The following NT5M variants were observed in gnomAD, a reference collection of about 807,000 sequenced individuals.
The protein encoded by NT5M is 5',3'-nucleotidase, mitochondrial.
Under a neutral mutation model 22.2 loss-of-function variants are expected in NT5M, and 22 were observed. The ratio of observed to expected loss-of-function variants is 0.99; its 90% CI spans 0.71 to 1.41. The LOEUF is 1.41. Among genes scored for constraint, NT5M ranks in the 40% most tolerant of loss-of-function variants. NT5M has a pLI of 0.00. For missense variants in NT5M, 322 were observed against 314.8 expected (o/e 1.02, Z -0.17); for synonymous variants, 167 against 133.0 (o/e 1.26, Z -1.76).
At chr17:17,329,059 G>C (rs747639434) in intron 3 of NT5M, among the ~76,000 whole-genome samples, 3 of 152,070 alleles carry the variant, frequency 2.0e-5, no homozygotes, top group Non-Finnish European at 4.4e-5. Flanking sequence ...CTCACTGCAA[G>C]CTCCCCATCC....
intron 3 of NT5M, among the ~76,000 whole-genome samples, chr17:17,326,562 G>A (rs1040238511): frequency 1.3e-5 from 2 of 152,196 alleles, no homozygotes; most frequent in East Asian, 1.9e-4. Flanking sequence ...GGCAGAGCCC[G>A]CAGACCGTCT....
chr17:17,347,242 A>G lies in NT5M; in HGVS notation c.*295A>G, dbSNP rs1293859420. On this transcript the variant is annotated 3_prime_UTR_variant, in exon 5 of 5. Transcript: ENST00000389022. ...AGGGGCTCAGGACAGGGAGGAGTTG[A>G]GGCCACTGTTCAGGGGGCTGGTGGC... The G allele has an allele frequency of 2.4e-6, 1 of 419,956 alleles. No individual in the cohort carries two copies. The highest frequency in any genetic ancestry group is 4.3e-6 in the Non-Finnish European group (1 of 233,802). The allele number at this position is 419,956 out of a possible 1,614,324, so 26.0% of individuals were successfully genotyped here. A position where few individuals can be genotyped will look rare whatever the true frequency, so the allele number is the denominator to read the frequency against.
chr17:17,326,602 G>A (rs377104323), intron 3 of NT5M, among the ~76,000 whole-genome samples: 33 of 152,284 alleles, frequency 2.2e-4, no homozygotes, highest in East Asian at 7.7e-4. Context: ...ACGCTGAAGC[G>A]CCCTTTCTCC....
intron 2 of NT5M, among the ~76,000 whole-genome samples, chr17:17,313,040 C>T (rs1001068731): frequency 2.0e-5 from 3 of 152,102 alleles, no homozygotes; most frequent in African/African-American, 2.4e-5. Context: ...GAGGCTGAGG[C>T]GGGCGGATCA....
Position 17,303,404 on chromosome 17 carries a change from C to A in NT5M, c.-147C>A. On this transcript the variant is annotated 5_prime_UTR_variant, in exon 1 of 5. Transcript: ENST00000389022. ...GGGCCGGTACTTGCGCGCCCGCACC[C>A]CGCGCTCCCCGCCCCGCTCCCCGTC... 1.1e-6 allele frequency: 1 copy of A among 951,374 alleles called. No homozygotes were observed. The allele number at this position is 951,374 out of a possible 1,614,324, so 58.9% of individuals were successfully genotyped here. A position where few individuals can be genotyped will look rare whatever the true frequency, so the allele number is the denominator to read the frequency against.
chr17:17,343,779 G>T (rs1416816406), intron 3 of NT5M, among the ~76,000 whole-genome samples: 1 of 152,164 alleles, frequency 6.6e-6, no homozygotes, highest in Admixed American at 6.5e-5. Flanking sequence ...ATCTGCTGCT[G>T]GTTAACCTCT....
intron 3 of NT5M, among the ~76,000 whole-genome samples, chr17:17,343,562 C>T (rs1401457992): frequency 6.6e-6 from 1 of 152,126 alleles, no homozygotes; most frequent in Non-Finnish European, 1.5e-5. Flanking sequence ...GAAAGCCACC[C>T]TAAGGCACCC....
intron 2 of NT5M, among the ~76,000 whole-genome samples, chr17:17,307,152 C>T (rs905682724): frequency 6.6e-5 from 10 of 151,906 alleles, no homozygotes; most frequent in Middle Eastern, 3.4e-3. Flanking sequence ...GAGCCGAGAT[C>T]GCGCCATTGC....
At chr17:17,310,951 G>A (rs2048910779) in intron 2 of NT5M, among the ~76,000 whole-genome samples, 1 of 152,172 alleles carries the variant, frequency 6.6e-6, no homozygotes, top group Admixed American at 6.6e-5. Flanking sequence ...CTGAGGTCAG[G>A]AGTTCAAGAT....
intron 3 of NT5M, among the ~76,000 whole-genome samples, chr17:17,329,269 C>T (rs1239499830): frequency 2.0e-5 from 3 of 152,214 alleles, no homozygotes; most frequent in Non-Finnish European, 2.9e-5. Context: ...TGAGCCGCAG[C>T]GCCTGGCCTT....
chr17:17,344,669 C>A, intron 3 of NT5M, 125 bp from the exon 4 acceptor site: 1 of 1,187,168 alleles, frequency 8.4e-7, no homozygotes, highest in Non-Finnish European at 1.2e-6. Flanking sequence ...GCCTTGGTGT[C>A]AGGCCTCCAT....
intron 3 of NT5M, among the ~76,000 whole-genome samples, chr17:17,328,581 A>G (rs984140904): frequency 6.6e-6 from 1 of 152,196 alleles, no homozygotes; most frequent in Non-Finnish European, 1.5e-5. Context: ...ACATCTGCAC[A>G]GGACAGAGGT....
chr17:17,316,693 T>TTTTTG (rs145399562), intron 2 of NT5M, among the ~76,000 whole-genome samples: 12 of 147,620 alleles, frequency 8.1e-5, no homozygotes, highest in Non-Finnish European at 1.2e-4. Flanking sequence ...AGGGTTTTGT[T>TTTTTG]TTTTGTTTTG....
chr17:17,310,625 C>T (rs2069283784), intron 2 of NT5M, among the ~76,000 whole-genome samples: 1 of 152,110 alleles, frequency 6.6e-6, no homozygotes, highest in South Asian at 2.1e-4. Flanking sequence ...CACTTGAGCT[C>T]AGGAATTTGA....
intron 3 of NT5M, among the ~76,000 whole-genome samples, chr17:17,324,354 C>T (rs149373948): frequency 0.014 from 2,196 of 151,668 alleles, 59 homozygotes; most frequent in African/African-American, 0.051. Flanking sequence ...TGTAGTGGTT[C>T]ATGCCTGTAG....
rs2048726217 is a variant in NT5M at position 17,303,586 on chromosome 17, C to G, written c.36C>G (p.Leu12=). 8.5e-7 allele frequency: 1 copy of G among 1,181,490 alleles called. No homozygotes were observed. Among genetic ancestry groups the G allele is most frequent in the Middle Eastern group, 3.3e-4 (1 of 2,998 alleles). 73.2% of individuals were successfully genotyped at this position (1,181,490 alleles called of 1,614,324 possible). A position where few individuals can be genotyped will look rare whatever the true frequency, so the allele number is the denominator to read the frequency against. ...IRLGGWCARR[L]CSAAVPAGRR... The stretch of plus-strand genomic sequence containing the variant: ...TGGGCGGCTGGTGTGCGCGGCGGCT[C>G]TGCAGCGCGGCGGTTCCCGCGGGGC... The change falls in exon 1 of 5, where the codon CTC becomes CTG. Residue 12 remains leucine (L), a synonymous_variant. Coordinates refer to ENST00000389022, the MANE Select transcript of NT5M (RefSeq NM_020201.4).
intron 2 of NT5M, among the ~76,000 whole-genome samples, chr17:17,318,234 T>C (rs550007313): frequency 3.2e-4 from 49 of 152,068 alleles, no homozygotes; most frequent in African/African-American, 1.1e-3. Flanking sequence ...CCCAGCACTT[T>C]GGGAGGCTGA....
At position 17,306,615 on chromosome 17, in the gene NT5M, G is replaced by T; in HGVS notation, c.340G>T (p.Ala114Ser). ...TGAGCCTCTGCCAGGGGCCGTGGAA[G>T]CTGTCAAGGAGATGGCCAGCCTACA... ...ELEPLPGAVE[A>S]VKEMASLQNT... Residue 114 changes from alanine (A) to serine (S), a missense_variant, in exon 2 of 5, where the codon GCT becomes TCT. Transcript: ENST00000389022. The T allele has an allele frequency of 6.2e-7, 1 of 1,613,994 alleles. No individual in the cohort carries two copies. Among genetic ancestry groups the T allele is most frequent in the Non-Finnish European group, 8.5e-7 (1 of 1,179,938 alleles).
In NT5M at chr17:17,346,816, A is replaced by T. The variant is rs2049769615; in HGVS notation, c.556A>T (p.Thr186Ser). The T allele has an allele frequency of 6.2e-7, 1 of 1,605,048 alleles. No individual in the cohort carries two copies. The highest frequency in any genetic ancestry group is 8.5e-7 in the Non-Finnish European group (1 of 1,179,632). The change falls in exon 5 of 5, where the codon ACC (threonine) becomes TCC (serine). Residue 186 changes from threonine to serine, a missense_variant. Transcript: ENST00000389022. ...DRPDITGAEP[T>S]PSWEHVLFTA... ...TTTCCCACCCACAGGGGCCGAGCCAACCCCCAGCTGGGAGCATGTCCTCTT... is the reference window on the plus strand; with the variant it reads ...TTTCCCACCCACAGGGGCCGAGCCATCCCCCAGCTGGGAGCATGTCCTCTT...
Sources: gnomAD v4.1 joint callset for allele counts (sites outside exome capture counted in the v4.1 genomes callset) on GRCh38, gnomAD v4.1.1 for gene constraint, MANE v1.5 for transcripts, NCBI Gene and HGNC (gene_info 2026-07-23, HGNC 2026-07-21) for gene names.